Variants in EEFSEC observed in about 807,000 individuals in gnomAD.
The protein encoded by EEFSEC is eukaryotic elongation factor, selenocysteine-tRNA specific, also known as selenocysteine-specific elongation factor.
Under a neutral mutation model 42.1 loss-of-function variants are expected in EEFSEC, and 43 were observed. The ratio of observed to expected loss-of-function variants is 1.02; its 90% CI spans 0.80 to 1.32. The LOEUF (loss-of-function observed/expected upper bound fraction) is 1.32. Ranked by LOEUF, EEFSEC falls within the 40% of genes most tolerant of loss-of-function variation. The pLI is 0.00. For synonymous variants in EEFSEC, 354 were observed against 339.1 expected (o/e 1.04, Z -0.48); for missense variants, 745 against 803.6 (o/e 0.93, Z 0.88).
chr3:128,352,878 G>A (rs1231319950), intron 5 of EEFSEC, among the ~76,000 whole-genome samples: 1 of 152,272 alleles, frequency 6.6e-6, no homozygotes, highest in Non-Finnish European at 1.5e-5. Context: ...TAGGCACCCA[G>A]ACTTGGGATT....
intron 6 of EEFSEC, among the ~76,000 whole-genome samples, chr3:128,362,430 T>C (rs541173352): frequency 1.3e-5 from 2 of 152,376 alleles, no homozygotes; most frequent in East Asian, 3.9e-4. Flanking sequence ...CGTGATCTTA[T>C]CTCCTGAAGC....
At chr3:128,185,280 G>A (rs984536642) in intron 1 of EEFSEC, among the ~76,000 whole-genome samples, 7 of 151,912 alleles carry the variant, frequency 4.6e-5, no homozygotes, top group Non-Finnish European at 1.0e-4. Flanking sequence ...CTTTTGGGGG[G>A]ATAATTATTT....
chr3:128,288,399 T>C (rs1009862050), intron 4 of EEFSEC, among the ~76,000 whole-genome samples: 1 of 152,216 alleles, frequency 6.6e-6, no homozygotes, highest in African/African-American at 2.4e-5. Context: ...ATAAGTCGTA[T>C]GTGCCACAGC....
chr3:128,250,011 G>C (rs1352711642), intron 2 of EEFSEC, among the ~76,000 whole-genome samples: 1 of 152,094 alleles, frequency 6.6e-6, no homozygotes, highest in Non-Finnish European at 1.5e-5. Flanking sequence ...ATGATATTGA[G>C]CATCTTTTCA....
intron 1 of EEFSEC, among the ~76,000 whole-genome samples, chr3:128,188,532 T>A (rs899892768): frequency 6.6e-6 from 1 of 152,216 alleles, no homozygotes; most frequent in Non-Finnish European, 1.5e-5. Context: ...GTTGACCCTT[T>A]GTACTAGATG....
intron 4 of EEFSEC, among the ~76,000 whole-genome samples, chr3:128,294,079 A>G (rs969852017): frequency 2.6e-5 from 4 of 152,152 alleles, no homozygotes; most frequent in Non-Finnish European, 5.9e-5. Context: ...AGAGATCCAG[A>G]GGAGAGAGCC....
chr3:128,229,609 G>A lies in EEFSEC; in HGVS notation c.317-17227G>A, dbSNP rs542223302. ...CTGTTTCTTCGAACTTTCCTTTCTA[G>A]CGAAAACTCCAGAGTTCTCACACTA... is the stretch of plus-strand genomic sequence containing the variant. On this transcript the variant is annotated intron_variant, in intron 1 of 6. Transcript: ENST00000254730. 1.4e-4 allele frequency among the ~76,000 whole-genome samples: 21 copies of A among 152,326 alleles called. 1 individual carries two copies. The South Asian group carries it at 3.9e-3, about 29-fold the overall frequency.
intron 5 of EEFSEC, among the ~76,000 whole-genome samples, chr3:128,344,312 C>T (rs181272753): frequency 5.3e-5 from 8 of 152,354 alleles, no homozygotes; most frequent in Admixed American, 5.2e-4. Flanking sequence ...CGTTTAATAA[C>T]CCTGAGGAAG....
intron 1 of EEFSEC, among the ~76,000 whole-genome samples, chr3:128,201,801 C>T (rs1369853647): frequency 6.6e-6 from 1 of 152,206 alleles, no homozygotes; most frequent in East Asian, 1.9e-4. Context: ...AGACATTCTA[C>T]TCAGTTTCCT....
chr3:128,207,512 G>A (rs2065710334), intron 1 of EEFSEC, among the ~76,000 whole-genome samples: 1 of 151,496 alleles, frequency 6.6e-6, no homozygotes. Flanking sequence ...GCAAAATTGG[G>A]TCAAAATCTC....
intron 1 of EEFSEC, among the ~76,000 whole-genome samples, chr3:128,223,499 G>A (rs997799898): frequency 3.3e-5 from 5 of 152,184 alleles, no homozygotes; most frequent in Non-Finnish European, 5.9e-5. Context: ...CTTAAGCTAT[G>A]GAGTCTGACC....
chr3:128,416,020 G>T, the EEFSEC span, among the ~76,000 whole-genome samples: 1 of 152,220 alleles, frequency 6.6e-6, no homozygotes, highest in Non-Finnish European at 1.5e-5. Flanking sequence ...ACCAGGGTCT[G>T]GGTGCCTGTG....
In EEFSEC at chr3:128,393,592, A is replaced by G. The variant is rs1024682004; in HGVS notation, c.1601-14477A>G. On this transcript the variant is annotated intron_variant, in intron 6 of 6. Transcript: ENST00000254730. ...TGTAAAACAGCCCCCACCCAGCCAC[A>G]ATGCAGGATCTGAGCCTGTGGCCAC... Among the ~76,000 whole-genome samples, 4 of 152,304 alleles carry G rather than the reference A, an allele frequency of 2.6e-5. No homozygotes were observed. The South Asian group carries it at 8.3e-4, about 32-fold the overall frequency.
chr3:128,249,445 G>T (rs1158675917), intron 2 of EEFSEC, among the ~76,000 whole-genome samples: 2 of 151,756 alleles, frequency 1.3e-5, no homozygotes, highest in African/African-American at 4.8e-5. Context: ...ATAACATAAT[G>T]TTTATCATTT....
At chr3:128,237,252 A>AT (rs1229536724) in intron 1 of EEFSEC, among the ~76,000 whole-genome samples, 1 of 151,804 alleles carries the variant, frequency 6.6e-6, no homozygotes, top group Non-Finnish European at 1.5e-5. Flanking sequence ...ATATTGTTGA[A>AT]TTTGTCAGTG....
chr3:128,411,956 G>A (rs1048098181), downstream of EEFSEC, among the ~76,000 whole-genome samples: 2 of 152,242 alleles, frequency 1.3e-5, no homozygotes, highest in African/African-American at 2.4e-5. Context: ...ATGGATCCGC[G>A]ATGTCTCAGA....
At position 128,408,135 on chromosome 3, in the gene EEFSEC, G is replaced by T. The variant is rs200217143; in HGVS notation, c.1667G>T (p.Arg556Leu). The change falls in exon 7 of 7, where the codon CGT (arginine) becomes CTT (leucine). Residue 556 changes from arginine to leucine, a missense_variant. Coordinates refer to ENST00000254730, the MANE Select transcript of EEFSEC (RefSeq NM_021937.5). The part of the protein sequence containing the change: ...PALKKRARAG[R>L]GEATRQEESA... ...CTCAAGAAGCGGGCCCGGGCTGGCC[G>T]TGGGGAGGCCACCAGGCAGGAGGAG... 5 of 1,611,544 alleles carry T rather than the reference G, an allele frequency of 3.1e-6. No individual in the cohort carries two copies. The South Asian group carries it at 5.5e-5, about 18-fold the overall frequency.
chr3:128,210,362 T>G (rs758495467), intron 1 of EEFSEC, among the ~76,000 whole-genome samples: 1 of 152,164 alleles, frequency 6.6e-6, no homozygotes, highest in East Asian at 1.9e-4. Context: ...GAAGTCAGTA[T>G]GTAGGTGTCC....
At chr3:128,203,152 A>C (rs1041179303) in intron 1 of EEFSEC, among the ~76,000 whole-genome samples, 1 of 152,194 alleles carries the variant, frequency 6.6e-6, no homozygotes, top group Non-Finnish European at 1.5e-5. Context: ...GAATGGTTAC[A>C]CCCAAATGTT....
Sources: allele counts gnomAD v4.1 joint callset (sites outside exome capture counted in the v4.1 genomes callset), GRCh38; gene constraint gnomAD v4.1.1; transcripts MANE v1.5; gene names NCBI Gene and HGNC (gene_info 2026-07-23, HGNC 2026-07-21).